BRINP3: variants seen among roughly 807,000 people sequenced by gnomAD.
The protein encoded by BRINP3 is BMP/retinoic acid-inducible neural-specific protein 3.
BRINP3 carries 19 observed loss-of-function variants against 71.0 expected under a neutral mutation model. The observed-to-expected ratio is 0.27, with a 90% CI of 0.19 to 0.39. BRINP3 has a LOEUF of 0.39. BRINP3 is among the 10% of genes least tolerant of loss of function. The pLI is 1.00. For missense variants in BRINP3, 959 were observed against 940.8 expected, an observed-to-expected ratio of 1.02 and a Z score of -0.25; for synonymous variants, 380 against 337.7, an observed-to-expected ratio of 1.13 and a Z score of -1.37.
chr1:190,387,879 A>G (rs992546840), intron 2 of BRINP3, among the ~76,000 whole-genome samples: 1 of 151,788 alleles, frequency 6.6e-6, no homozygotes, highest in African/African-American at 2.4e-5. Context: ...ATATCTAACC[A>G]ATTTCTGGGT....
chr1:190,290,272 G>T (rs562648431), intron 2 of BRINP3, among the ~76,000 whole-genome samples: 6 of 152,212 alleles, frequency 3.9e-5, no homozygotes, highest in Non-Finnish European at 8.8e-5. Context: ...TGGAAGTTTA[G>T]AAATATGCTA....
Position 190,266,796 on chromosome 1 carries a change from T to C in BRINP3, c.428-1741A>G, listed in dbSNP as rs566807328. 1.2e-4 allele frequency among the ~76,000 whole-genome samples: 18 copies of C among 152,260 alleles called. No homozygotes were observed. The South Asian group carries it at 3.7e-3, about 32-fold the overall frequency. ...AGAAAGAACACCAGTGGTATGGTGG[T>C]CTAAGTAAGTACTCACAGTGTAGTT... On this transcript the variant is annotated intron_variant, in intron 3 of 7. Coordinates refer to ENST00000367462, the MANE Select transcript of BRINP3 (RefSeq NM_199051.3).
chr1:190,202,243 C>T (rs1365685138), intron 6 of BRINP3, among the ~76,000 whole-genome samples: 1 of 152,102 alleles, frequency 6.6e-6, no homozygotes, highest in Non-Finnish European at 1.5e-5. Context: ...ATTTGACTTC[C>T]CCACTGGATT....
At chr1:190,214,423 G>A (rs1212926830) in intron 6 of BRINP3, among the ~76,000 whole-genome samples, 14 of 151,946 alleles carry the variant, frequency 9.2e-5, no homozygotes, top group African/African-American at 2.9e-4. Context: ...AGGTGAATGC[G>A]TCCTGCATCT....
intron 7 of BRINP3, among the ~76,000 whole-genome samples, chr1:190,153,625 A>G (rs1656609531): frequency 6.6e-6 from 1 of 152,224 alleles, no homozygotes; most frequent in South Asian, 2.1e-4. Context: ...ACAGTTTCAT[A>G]TAAAATTGCT....
At chr1:190,443,116 T>C (rs577752698) in intron 2 of BRINP3, among the ~76,000 whole-genome samples, 59 of 151,690 alleles carry the variant, frequency 3.9e-4, no homozygotes, top group Non-Finnish European at 6.3e-4. Flanking sequence ...TTTCACTATA[T>C]AGGCCAGAAT....
chr1:190,217,084 A>C (rs898077514), intron 6 of BRINP3: 6 of 151,946 alleles, frequency 3.9e-5, no homozygotes, highest in African/African-American at 1.4e-4. Flanking sequence ...CCTGTAGATA[A>C]GAATAGACAA....
intron 2 of BRINP3, among the ~76,000 whole-genome samples, chr1:190,343,686 G>A (rs1667818376): frequency 6.6e-6 from 1 of 151,264 alleles, no homozygotes; most frequent in Non-Finnish European, 1.5e-5. Flanking sequence ...AAGAAAATTG[G>A]TAACATAGAC....
intron 2 of BRINP3, among the ~76,000 whole-genome samples, chr1:190,382,894 A>G (rs978914647): frequency 6.6e-5 from 10 of 152,140 alleles, no homozygotes; most frequent in Non-Finnish European, 1.0e-4. Flanking sequence ...AGCAAATGCC[A>G]CAGTTCCTTC....
intron 2 of BRINP3, among the ~76,000 whole-genome samples, chr1:190,411,106 A>G (rs1672633789): frequency 6.6e-6 from 1 of 152,176 alleles, no homozygotes; most frequent in African/African-American, 2.4e-5. Context: ...AAGGATAGAT[A>G]CACAAATCAG....
chr1:190,339,009 T>G (rs1208473127), intron 2 of BRINP3, among the ~76,000 whole-genome samples: 5 of 54,960 alleles, frequency 9.1e-5, no homozygotes, highest in African/African-American at 3.4e-4. Flanking sequence ...AAATGCAAAA[T>G]AAATAAATAA....
intron 1 of BRINP3, chr1:190,476,086 T>G (rs1237054911): frequency 1.9e-5 from 2 of 107,366 alleles, no homozygotes; most frequent in South Asian, 3.3e-4. Context: ...TCGGTGGGAG[T>G]CAAGGGGGAA....
intron 1 of BRINP3, among the ~76,000 whole-genome samples, chr1:190,460,333 TATA>T (rs1026461542): frequency 6.6e-6 from 1 of 151,196 alleles, no homozygotes; most frequent in Non-Finnish European, 1.5e-5. Flanking sequence ...CATATATAAC[TATA>T]ATAATTATTT....
At chr1:190,224,672 C>G (rs530903693) in intron 6 of BRINP3, among the ~76,000 whole-genome samples, 26 of 151,814 alleles carry the variant, frequency 1.7e-4, no homozygotes, top group African/African-American at 6.3e-4. Context: ...GTACAGTAAA[C>G]AATCAGCAAA....
chr1:190,318,456 C>A (rs1666028832), intron 2 of BRINP3, among the ~76,000 whole-genome samples: 1 of 152,014 alleles, frequency 6.6e-6, no homozygotes, highest in Admixed American at 6.6e-5. Flanking sequence ...CCATCTAGTT[C>A]TTGAAAAATA....
chr1:190,286,021 G>A (rs750324449), intron 2 of BRINP3, among the ~76,000 whole-genome samples: 7 of 152,052 alleles, frequency 4.6e-5, no homozygotes, highest in Non-Finnish European at 1.0e-4. Context: ...CAATTAAATA[G>A]GCACAATCGT....
intron 2 of BRINP3, among the ~76,000 whole-genome samples, chr1:190,343,609 T>A (rs1389957735): frequency 6.6e-6 from 1 of 151,670 alleles, no homozygotes; most frequent in Non-Finnish European, 1.5e-5. Flanking sequence ...TTATTATCAT[T>A]ACAATAATAA....
At chr1:190,272,548 C>T (rs1035531549) in intron 3 of BRINP3, among the ~76,000 whole-genome samples, 3 of 151,496 alleles carry the variant, frequency 2.0e-5, no homozygotes, top group Admixed American at 1.3e-4. Context: ...TTATCTTTCT[C>T]TCTTTTCCTT....
intron 6 of BRINP3, among the ~76,000 whole-genome samples, chr1:190,220,235 C>T (rs1656757880): frequency 6.6e-6 from 1 of 152,064 alleles, no homozygotes; most frequent in Non-Finnish European, 1.5e-5. Context: ...AGTTCATGTC[C>T]TTTACAGGGA....
Sources: allele counts gnomAD v4.1 joint callset (sites outside exome capture counted in the v4.1 genomes callset), GRCh38; gene constraint gnomAD v4.1.1; transcripts MANE v1.5; gene names NCBI Gene and HGNC (gene_info 2026-07-23, HGNC 2026-07-21).